CHD7: variants seen among roughly 807,000 people sequenced by gnomAD.
CHD7 encodes ATP-dependent chromatin remodeler CHD7.
CHD7 carries 24 observed loss-of-function variants against 307.3 expected under a neutral mutation model. The ratio of observed to expected loss-of-function variants is 0.08; its 90% confidence interval spans 0.06 to 0.11. The LOEUF is 0.11. Among genes scored for constraint, CHD7 ranks in the 10% least tolerant of loss-of-function variants. The pLI is 1.00. For missense variants in CHD7, 3,106 were observed against 3,727.1 expected, an observed-to-expected ratio of 0.83 and a Z score of 4.34; for synonymous variants, 1,363 against 1,349.9, an observed-to-expected ratio of 1.01 and a Z score of -0.21.
chr8:60,708,374 C>A (rs1309152026), intron 1 of CHD7, among the ~76,000 whole-genome samples: 2 of 152,136 alleles, frequency 1.3e-5, no homozygotes, highest in African/African-American at 4.8e-5. Flanking sequence ...ATTTTATCTC[C>A]CCTCATTGCC....
At chr8:60,803,449 A>G (rs1423361946) in intron 6 of CHD7, among the ~76,000 whole-genome samples, 1 of 152,062 alleles carries the variant, frequency 6.6e-6, no homozygotes, top group Non-Finnish European at 1.5e-5. Context: ...ATAGGTACCC[A>G]TGGTTTAGGA....
At chr8:60,834,277 G>A (rs1028226478) in intron 15 of CHD7, among the ~76,000 whole-genome samples, 2 of 152,026 alleles carry the variant, frequency 1.3e-5, no homozygotes, top group Non-Finnish European at 2.9e-5. Flanking sequence ...GTTTTAAATG[G>A]CTAAAATACT....
intron 2 of CHD7, among the ~76,000 whole-genome samples, chr8:60,773,633 G>T (rs1810815236): frequency 6.6e-6 from 1 of 152,210 alleles, no homozygotes; most frequent in African/African-American, 2.4e-5. Flanking sequence ...CTTAGTTACA[G>T]TCTTTGAAAT....
intron 16 of CHD7, 106 bp from the exon 17 acceptor site, chr8:60,836,711 G>C: frequency 1.3e-6 from 1 of 777,806 alleles, no homozygotes. Flanking sequence ...AGTCATATTA[G>C]TCTTTTTAAT....
At chr8:60,697,749 C>G (rs1394810338) in intron 1 of CHD7, among the ~76,000 whole-genome samples, 1 of 152,204 alleles carries the variant, frequency 6.6e-6, no homozygotes, top group African/African-American at 2.4e-5. Flanking sequence ...AAAAAGGACA[C>G]TCACCTGAAT....
rs1809137776 is a variant in CHD7 at position 60,743,050 on chromosome 8, C to T, written c.1618C>T (p.Leu540Phe). The part of the protein sequence containing the change: ...PHPHHQPWAQ[L>F]HPSPQNTPQK... ...CCCTCATCACCAGCCTTGGGCACAG[C>T]TCCACCCATCACCCCAGAACACCCC... is the stretch of plus-strand genomic sequence containing the variant. The change falls in exon 2 of 38, where the codon CTC (leucine) becomes TTC (phenylalanine). Residue 540 changes from leucine to phenylalanine, a missense_variant. This residue lies in a region of CHD7 where 998 missense variants were observed against 1,004.5 expected (regional missense o/e 0.99). Coordinates refer to ENST00000423902, the MANE Select transcript of CHD7 (RefSeq NM_017780.4). 4.3e-6 allele frequency: 7 copies of T among 1,613,994 alleles called. No homozygotes were observed. The highest frequency in any genetic ancestry group is 5.9e-6 in the Non-Finnish European group (7 of 1,179,894).
chr8:60,781,449 AAAC>A lies in CHD7; in HGVS notation c.2096+23_2096+25del, dbSNP rs1811226936. 6.6e-7 allele frequency: 1 copy of A among 1,507,280 alleles called. No individual in the cohort carries two copies. The highest frequency in any genetic ancestry group is 1.4e-5 in the African/African-American group (1 of 70,406). 93.4% of individuals were successfully genotyped at this position (1,507,280 alleles called of 1,614,324 possible). A position where few individuals can be genotyped will look rare whatever the true frequency, so the allele number is the denominator to read the frequency against. ...AGTCAAGGTAGGCTGTGGGCAGAAA[AAAC>A]AACTGCAAAACATTGAGAGTACAGA... On this transcript the variant is annotated intron_variant, in intron 3 of 37. Coordinates refer to ENST00000423902, the MANE Select transcript of CHD7 (RefSeq NM_017780.4).
chr8:60,741,932 C>T lies in CHD7; in HGVS notation c.500C>T (p.Pro167Leu), dbSNP rs61742851. 14 of 1,612,892 alleles carry T rather than the reference C, an allele frequency of 8.7e-6. No individual in the cohort carries two copies. The highest frequency in any genetic ancestry group is 6.7e-5 in the East Asian group (3 of 44,852). ...RAPYQQQQPQ[P>L]QPPQPAPSGP... ...CCCTACCAGCAGCAGCAGCCACAGC[C>T]GCAGCCACCGCAGCCGGCTCCGTCG... The change falls in exon 2 of 38, where the codon CCG becomes CTG. Residue 167 changes from proline (P) to leucine (L), a missense_variant. Coordinates refer to ENST00000423902, the MANE Select transcript of CHD7 (RefSeq NM_017780.4).
At chr8:60,717,033 CTT>C (rs57809302) in intron 1 of CHD7, among the ~76,000 whole-genome samples, 14,007 of 134,850 alleles carry the variant, frequency 0.1, 1,403 homozygotes, top group African/African-American at 0.27. Context: ...TACCTTAAGC[CTT>C]TTTTTTTTTT....
intron 7 of CHD7, among the ~76,000 whole-genome samples, chr8:60,808,579 T>C (rs1051347163): frequency 2.0e-5 from 3 of 152,228 alleles, no homozygotes; most frequent in African/African-American, 7.2e-5. Flanking sequence ...CCTCTGATCA[T>C]GAATTCTACC....
At chr8:60,747,393 G>T (rs143544461) in intron 2 of CHD7, among the ~76,000 whole-genome samples, 1 of 152,026 alleles carries the variant, frequency 6.6e-6, no homozygotes, top group East Asian at 1.9e-4. Context: ...ATTGATGAAA[G>T]TTTAAAATAT....
chr8:60,785,653 C>A (rs1811455558), intron 3 of CHD7, among the ~76,000 whole-genome samples: 1 of 152,162 alleles, frequency 6.6e-6, no homozygotes, highest in Non-Finnish European at 1.5e-5. Context: ...TAAACTAATA[C>A]ATATTTTATG....
At chr8:60,820,238 T>G (rs1224928030) in intron 9 of CHD7, 148 bp downstream of exon 9, 1 of 467,780 alleles carries the variant, frequency 2.1e-6, no homozygotes, top group African/African-American at 2.0e-5. Context: ...CTTAATGATT[T>G]ATTATTAGTT....
intron 3 of CHD7, among the ~76,000 whole-genome samples, chr8:60,789,093 C>T (rs2150685828): frequency 6.6e-6 from 1 of 152,296 alleles, no homozygotes; most frequent in East Asian, 1.9e-4. Context: ...AGGAAATGCT[C>T]TGCTCTTAAG....
chr8:60,698,788 C>A (rs1022451295), intron 1 of CHD7, among the ~76,000 whole-genome samples: 1 of 152,174 alleles, frequency 6.6e-6, no homozygotes, highest in Non-Finnish European at 1.5e-5. Context: ...TTCTCTTTCT[C>A]TTTTTCTTTT....
Position 60,853,356 on chromosome 8 carries a change from G to C in CHD7, c.6631G>C (p.Ala2211Pro). ...GAGCAAGCAGGAATGTGAGGCAGAG[G>C]CCAGCTCTGTGAAAAATGAACTGAA... ...KESKQECEAEASSVKNELKGV... is the reference protein window; with the variant it reads ...KESKQECEAEPSSVKNELKGV... The change falls in exon 31 of 38, where the codon GCC (alanine) becomes CCC (proline). Residue 2211 changes from alanine (A) to proline (P), a missense_variant. By Grantham distance (27) the Ala-to-Pro change is conservative. Around this residue, in one of 10 missense-constraint regions of CHD7, gnomAD observed 1,030 missense variants for 1,165.4 expected, o/e 0.88. Coordinates refer to ENST00000423902, the MANE Select transcript of CHD7 (RefSeq NM_017780.4). 6.4e-7 allele frequency: 1 copy of C among 1,567,636 alleles called. No individual in the cohort carries two copies. Among genetic ancestry groups the C allele is most frequent in the African/African-American group, 1.4e-5 (1 of 72,982 alleles).
At chr8:60,709,942 T>C (rs1466597823) in intron 1 of CHD7, among the ~76,000 whole-genome samples, 1 of 152,220 alleles carries the variant, frequency 6.6e-6, no homozygotes, top group Non-Finnish European at 1.5e-5. Flanking sequence ...AATGGAGTAT[T>C]TAAGATTAGA....
rs2150577213 is a variant in CHD7 at position 60,741,411 on chromosome 8, A to G, written c.-22A>G. 2 of 1,565,650 alleles carry G rather than the reference A, an allele frequency of 1.3e-6. No homozygotes were observed. Among genetic ancestry groups the G allele is most frequent in the Non-Finnish European group, 1.7e-6 (2 of 1,151,100 alleles). ...GGCAAGCTCCTGAGCTGTGGTTTGG[A>G]GGAGCCGTGTGTTGGAAGAAGATGG... On this transcript the variant is annotated 5_prime_UTR_variant, in exon 2 of 38. Coordinates refer to ENST00000423902, the MANE Select transcript of CHD7 (RefSeq NM_017780.4).
At position 60,852,019 on chromosome 8, in the gene CHD7, G is replaced by A. The variant is rs1040512288; in HGVS notation, c.5666G>A (p.Gly1889Asp). 13 of 1,607,450 alleles carry A rather than the reference G, an allele frequency of 8.1e-6. No homozygotes were observed. Among genetic ancestry groups the A allele is most frequent in the Non-Finnish European group, 8.5e-6 (10 of 1,175,552 alleles). The part of the protein sequence containing the change: ...KEESMEIHAT[G>D]KHSESNAELG... ...CAAAAATGTTTTTCCACTTCCCCAGGCAAGCACAGTGAGAGTAATGCTGAG... is the reference window on the plus strand; with the variant it reads ...CAAAAATGTTTTTCCACTTCCCCAGACAAGCACAGTGAGAGTAATGCTGAG... The change falls in exon 29 of 38, where the codon GGC (glycine) becomes GAC (aspartate). Residue 1889 changes from glycine (G) to aspartate (D), a missense_variant and splice_region_variant. Physicochemically the swap from Gly to Asp is moderately conservative, Grantham distance 94. Coordinates refer to ENST00000423902, the MANE Select transcript of CHD7 (RefSeq NM_017780.4).
Sources: allele counts gnomAD v4.1 joint callset (sites outside exome capture counted in the v4.1 genomes callset), GRCh38; gene constraint gnomAD v4.1.1; regional missense constraint gnomAD v4.1.1; transcripts MANE v1.5; gene names NCBI Gene and HGNC (gene_info 2026-07-23, HGNC 2026-07-21).